ZNF148: variants seen among roughly 807,000 people sequenced by gnomAD.
The protein encoded by ZNF148 is Beta-Enolase Repressor Factor-1.
ZNF148 carries 7 observed loss-of-function variants against 67.7 expected under a neutral mutation model. The observed-to-expected ratio is 0.10, with a 90% confidence interval of 0.06 to 0.19. The LOEUF is 0.19. Among genes scored for constraint, ZNF148 ranks in the 10% least tolerant of loss-of-function variants. The pLI is 1.00. For missense variants in ZNF148, 583 were observed against 947.1 expected, an observed-to-expected ratio of 0.62 and a Z score of 5.05; for synonymous variants, 333 against 330.7, an observed-to-expected ratio of 1.01 and a Z score of -0.08.
chr3:125,307,375 C>A (rs918524027), intron 4 of ZNF148, among the ~76,000 whole-genome samples: 1 of 151,644 alleles, frequency 6.6e-6, no homozygotes, highest in African/African-American at 2.4e-5. Flanking sequence ...GCGATCTCAG[C>A]TCACTGCAAG....
At chr3:125,292,656 A>G (rs1468592378) in intron 4 of ZNF148, 1 of 152,194 alleles carries the variant, frequency 6.6e-6, no homozygotes, top group African/African-American at 2.4e-5. Flanking sequence ...TTTATGTTTA[A>G]AGTCGGGAGA....
intron 7 of ZNF148, among the ~76,000 whole-genome samples, chr3:125,261,652 G>A (rs1281029408): frequency 6.6e-6 from 1 of 152,080 alleles, no homozygotes; most frequent in African/African-American, 2.4e-5. Context: ...AGGACTGATA[G>A]GAGAGAGTGC....
intron 1 of ZNF148, among the ~76,000 whole-genome samples, chr3:125,355,485 C>T (rs903750220): frequency 3.9e-5 from 6 of 152,016 alleles, no homozygotes; most frequent in African/African-American, 1.2e-4. Context: ...CTATTGCATT[C>T]GATTTAAAAT....
chr3:125,371,956 C>G (rs530302158), intron 1 of ZNF148, among the ~76,000 whole-genome samples: 1 of 150,004 alleles, frequency 6.7e-6, no homozygotes, highest in South Asian at 2.1e-4. Flanking sequence ...CCCAGCTACT[C>G]GGGAGGCTGA....
At chr3:125,353,784 A>G (rs1024700894) in intron 1 of ZNF148, among the ~76,000 whole-genome samples, 1 of 152,044 alleles carries the variant, frequency 6.6e-6, no homozygotes, top group Non-Finnish European at 1.5e-5. Flanking sequence ...AAAAAAATTA[A>G]CATGTGAGGC....
intron 5 of ZNF148, among the ~76,000 whole-genome samples, chr3:125,283,969 C>T (rs1938525827): frequency 6.6e-6 from 1 of 152,036 alleles, no homozygotes; most frequent in Admixed American, 6.6e-5. Flanking sequence ...AAACCCAGTT[C>T]CTTTTTTCAG....
chr3:125,344,968 T>C (rs1941883534), intron 1 of ZNF148, among the ~76,000 whole-genome samples: 1 of 152,074 alleles, frequency 6.6e-6, no homozygotes, highest in Non-Finnish European at 1.5e-5. Context: ...AAATTTAAAT[T>C]CAGCAACATA....
intron 7 of ZNF148, among the ~76,000 whole-genome samples, chr3:125,253,029 C>CCT (rs1399693461): frequency 2.0e-5 from 3 of 152,054 alleles, no homozygotes; most frequent in Admixed American, 6.6e-5. Flanking sequence ...CGTTCTCTCC[C>CCT]CTCTCTCTCT....
intron 7 of ZNF148, among the ~76,000 whole-genome samples, chr3:125,239,617 A>C (rs1363453833): frequency 6.6e-6 from 1 of 152,212 alleles, no homozygotes; most frequent in East Asian, 1.9e-4. Flanking sequence ...TTTGCAGACC[A>C]TGAAAATGTT....
intron 1 of ZNF148, among the ~76,000 whole-genome samples, chr3:125,367,886 G>C (rs987196160): frequency 6.6e-6 from 1 of 152,126 alleles, no homozygotes; most frequent in Non-Finnish European, 1.5e-5. Context: ...TGTTTCAGGG[G>C]GCTCAACATC....
chr3:125,334,812 C>T (rs1193872567), intron 1 of ZNF148, among the ~76,000 whole-genome samples: 1 of 152,138 alleles, frequency 6.6e-6, no homozygotes, highest in Non-Finnish European at 1.5e-5. Flanking sequence ...CCACCACCCA[C>T]CCTCATCTTT....
At position 125,229,135 on chromosome 3, in the gene ZNF148, TGA is replaced by T. The variant is rs749929664; in HGVS notation, c.*3204_*3205del. On this transcript the variant is annotated 3_prime_UTR_variant, in exon 9 of 9. Coordinates refer to ENST00000360647, the MANE Select transcript of ZNF148 (RefSeq NM_021964.3). ...AAGTAAATATACTGTGAAAAAAAAATGAGTTCTAGTTTAAAATGTTCTAAGAA... is the reference window on the plus strand; with the variant it reads ...AAGTAAATATACTGTGAAAAAAAAATGTTCTAGTTTAAAATGTTCTAAGAA... The T allele has an allele frequency of 4.3e-4, 66 of 151,940 alleles. No individual in the cohort carries two copies. Among genetic ancestry groups the T allele is most frequent in the Middle Eastern group, 3.4e-3 (1 of 294 alleles). The allele number at this position is 151,940 out of a possible 1,614,324, so 9.4% of individuals were successfully genotyped here. A position where few individuals can be genotyped will look rare whatever the true frequency, so the allele number is the denominator to read the frequency against.
At position 125,229,730 on chromosome 3, in the gene ZNF148, T is replaced by A. The variant is rs1935777277; in HGVS notation, c.*2611A>T. On this transcript the variant is annotated 3_prime_UTR_variant, in exon 9 of 9. Transcript: ENST00000360647. ...GCAGAAGAATATCTCATATCCTCCA[T>A]GTTTCAATCTGAAGCAGCACACAAG... The A allele has an allele frequency of 1.3e-5, 2 of 152,148 alleles. No individual in the cohort carries two copies. The highest frequency in any genetic ancestry group is 1.3e-4 in the Admixed American group (2 of 15,260). 9.4% of individuals were successfully genotyped at this position (152,148 alleles called of 1,614,324 possible).
chr3:125,363,987 A>G (rs747006547), intron 1 of ZNF148, among the ~76,000 whole-genome samples: 4 of 152,214 alleles, frequency 2.6e-5, no homozygotes, highest in Non-Finnish European at 4.4e-5. Flanking sequence ...CCCAGTCACC[A>G]GGTTCTCTTC....
intron 7 of ZNF148, among the ~76,000 whole-genome samples, chr3:125,244,710 C>G (rs941914804): frequency 2.0e-5 from 3 of 152,098 alleles, no homozygotes; most frequent in African/African-American, 7.2e-5. Flanking sequence ...GTTGGCCAGG[C>G]TGGTCTTGAA....
At chr3:125,289,424 G>A (rs529972641) in intron 4 of ZNF148, among the ~76,000 whole-genome samples, 1 of 152,274 alleles carries the variant, frequency 6.6e-6, no homozygotes, top group Non-Finnish European at 1.5e-5. Flanking sequence ...AAAACATGAT[G>A]TAAATGATTA....
chr3:125,334,718 G>C (rs758184914), intron 1 of ZNF148, among the ~76,000 whole-genome samples: 138 of 152,144 alleles, frequency 9.1e-4, no homozygotes, highest in Non-Finnish European at 2.2e-4. Flanking sequence ...AGTAGTAAGA[G>C]GCAGACCCGA....
At chr3:125,366,175 T>A (rs1434664367) in intron 1 of ZNF148, among the ~76,000 whole-genome samples, 1 of 152,232 alleles carries the variant, frequency 6.6e-6, no homozygotes, top group African/African-American at 2.4e-5. Flanking sequence ...ACTTTAATTC[T>A]CACATCCTCA....
At chr3:125,263,550 C>CAAAA (rs35704064) in intron 7 of ZNF148, among the ~76,000 whole-genome samples, 1 of 147,174 alleles carries the variant, frequency 6.8e-6, no homozygotes, top group Non-Finnish European at 1.5e-5. Context: ...GACTCTGTCT[C>CAAAA]AAAAAAAAAA....
Sources: gnomAD v4.1 joint callset for allele counts (sites outside exome capture counted in the v4.1 genomes callset) on GRCh38, gnomAD v4.1.1 for gene constraint, MANE v1.5 for transcripts, NCBI Gene and HGNC (gene_info 2026-07-23, HGNC 2026-07-21) for gene names.